KCTD14: variants seen among roughly 807,000 people sequenced by gnomAD.
KCTD14 encodes BTB/POZ domain-containing protein KCTD14.
In KCTD14, 7 loss-of-function variants were observed where a neutral mutation model predicts 5.9. That is an observed-to-expected ratio of 1.19 (90% confidence interval 0.68 to 2.23). KCTD14 has a LOEUF of 2.23. Ranked by LOEUF, KCTD14 falls within the 30% of genes most tolerant of loss-of-function variation. The pLI, the probability that KCTD14 is intolerant of heterozygous loss-of-function variation, is 0.00. For missense variants in KCTD14, 342 were observed against 332.2 expected, an observed-to-expected ratio of 1.03 and a Z score of -0.23; for synonymous variants, 140 against 133.1, an observed-to-expected ratio of 1.05 and a Z score of -0.36.
chr11:78,038,899 G>T, intron 1 of KCTD14: 1 of 964,578 alleles, frequency 1.0e-6, no homozygotes. Flanking sequence ...GTCACGGTCA[G>T]GCCCGGATGT....
At chr11:78,029,433 A>C (rs1376169935) in intron 2 of KCTD14, among the ~76,000 whole-genome samples, 3 of 152,138 alleles carry the variant, frequency 2.0e-5, no homozygotes, top group African/African-American at 7.2e-5. Context: ...ATTCCCCAGA[A>C]CTAGTATATT....
upstream of KCTD14, among the ~76,000 whole-genome samples, chr11:78,024,390 AAAAAAAAAT>A (rs1857389781): frequency 1.7e-5 from 2 of 117,976 alleles, no homozygotes; most frequent in African/African-American, 6.4e-5. Flanking sequence ...CAAAAAAAAA[AAAAAAAAAT>A]ATATATATAT....
rs773037570 is a variant in KCTD14, at chr11:78,017,130, G to C, written c.231C>G (p.Phe77Leu). 3.1e-6 allele frequency: 5 copies of C among 1,614,056 alleles called. No individual in the cohort carries two copies. The African/African-American group carries it at 6.7e-5, about 22-fold the overall frequency. Residue 77 changes from phenylalanine to leucine, a missense_variant, in exon 2 of 2, where the codon TTC (phenylalanine) becomes TTG (leucine). By Grantham distance (22) the Phe-to-Leu change is conservative. Transcript: ENST00000353172. ...AKASTDAEGR[F>L]FIDRPSTYFR... ...AATAGGTGCTGGGGCGGTCGATGAA[G>C]AAGCGGCCCTCCGCGTCCGTGGAGG...
At chr11:78,041,140 G>A (rs1857983098) in intron 1 of KCTD14, among the ~76,000 whole-genome samples, 1 of 152,196 alleles carries the variant, frequency 6.6e-6, no homozygotes, top group East Asian at 1.9e-4. Flanking sequence ...TATCACCCCA[G>A]GGGCCAGCAC....
upstream of KCTD14, chr11:78,023,729 G>A (rs10793269): frequency 0.34 from 53,438 of 155,390 alleles, 9,446 homozygotes; most frequent in South Asian, 0.43. Flanking sequence ...CATATTGCTT[G>A]AATCCCGTTA....
chr11:78,037,212 C>T (rs1181158100), intron 2 of KCTD14, among the ~76,000 whole-genome samples: 1 of 152,208 alleles, frequency 6.6e-6, no homozygotes, highest in Non-Finnish European at 1.5e-5. Context: ...CCTGCTGCAA[C>T]CACTCCCCCG....
rs1857343554 is a variant in KCTD14, at chr11:78,022,918, G to A, written c.90+242C>T. The stretch of plus-strand genomic sequence containing the variant: ...GAGGGAGGAAGCAAAAGGGCAAAGA[G>A]GAAAGGCTGGACAGAGCCAAACCAG... On this transcript the variant is annotated intron_variant, in intron 1 of 1. Coordinates refer to ENST00000353172, the MANE Select transcript of KCTD14 (RefSeq NM_023930.4). 9.8e-6 allele frequency: 5 copies of A among 507,790 alleles called. No homozygotes were observed. In the South Asian group the frequency reaches 1.5e-4, roughly 15 times the overall value. The allele number at this position is 507,790 out of a possible 1,614,324, so 31.5% of individuals were successfully genotyped here. A position where few individuals can be genotyped will look rare whatever the true frequency, so the allele number is the denominator to read the frequency against.
upstream of KCTD14, among the ~76,000 whole-genome samples, chr11:78,025,085 C>CAT (rs1555052978): frequency 1.3e-3 from 114 of 89,398 alleles, no homozygotes; most frequent in Middle Eastern, 7.4e-3. Context: ...TATATACACA[C>CAT]GTGTGTGTGT....
chr11:78,023,026 A>G, intron 1 of KCTD14, 134 bp downstream of exon 1: 1 of 631,660 alleles, frequency 1.6e-6, no homozygotes, highest in Non-Finnish European at 2.8e-6. Flanking sequence ...CCCGAGGTGA[A>G]GGGGGACAGC....
chr11:78,041,688 TGAGCTTTCGC>T (rs891516641), intron 1 of KCTD14, among the ~76,000 whole-genome samples: 10 of 152,212 alleles, frequency 6.6e-5, no homozygotes, highest in African/African-American at 2.4e-4. Flanking sequence ...CGGCTCGAGC[TGAGCTTTCGC>T]TCACCATCCA....
In KCTD14 at chr11:78,023,196, G is replaced by A. The variant is rs928955596; in HGVS notation, c.54C>T (p.Thr18=). 1 of 1,606,406 alleles carries A rather than the reference G, an allele frequency of 6.2e-7. No individual in the cohort carries two copies. ...TGGGCCGGGGGGACTGGGGCAGAGG[G>A]GTCTGGCTCGTCATCCTGCCCACTG... is the stretch of plus-strand genomic sequence containing the variant. ...ERPVGRMTSQ[T]PLPQSPRPRR... The change falls in exon 1 of 2, where the codon ACC becomes ACT. Residue 18 remains threonine, a synonymous_variant. Transcript: ENST00000353172.
upstream of KCTD14, among the ~76,000 whole-genome samples, chr11:78,025,101 T>TGC (rs1857418263): frequency 1.6e-5 from 1 of 63,206 alleles, no homozygotes; most frequent in Non-Finnish European, 2.8e-5. Flanking sequence ...TGTGTGTGTG[T>TGC]GTGTGTGTGT....
chr11:78,022,945 A>C (rs572696464), intron 1 of KCTD14: 3 of 550,256 alleles, frequency 5.5e-6, no homozygotes, highest in Non-Finnish European at 9.6e-6. Context: ...CCAAACCAGA[A>C]AGGGACACCG....
chr11:78,039,770 T>A (rs1439621344), intron 1 of KCTD14, among the ~76,000 whole-genome samples: 1 of 151,940 alleles, frequency 6.6e-6, no homozygotes, highest in Non-Finnish European at 1.5e-5. Context: ...AGTGTACTCA[T>A]TTTTTCCACC....
At chr11:78,031,667 C>T (rs1376079272) in intron 2 of KCTD14, among the ~76,000 whole-genome samples, 2 of 152,030 alleles carry the variant, frequency 1.3e-5, no homozygotes, top group African/African-American at 2.4e-5. Flanking sequence ...GGATTATAGG[C>T]GTGAGCCACA....
At chr11:78,034,165 G>C (rs1857720406) in intron 2 of KCTD14, among the ~76,000 whole-genome samples, 1 of 151,906 alleles carries the variant, frequency 6.6e-6, no homozygotes, top group Non-Finnish European at 1.5e-5. Context: ...TGTCACCCAG[G>C]CTGGAGTTCA....
At chr11:78,044,876 T>C (rs1858092026) in intron 1 of KCTD14, among the ~76,000 whole-genome samples, 1 of 152,200 alleles carries the variant, frequency 6.6e-6, no homozygotes, top group South Asian at 2.1e-4. Flanking sequence ...TCCGGGGTTT[T>C]GCGCCTCCCC....
rs539940033 is a variant in KCTD14 at position 78,016,651 on chromosome 11, G to A, written c.710C>T (p.Pro237Leu). ...KVFSKFYLTY[P>L]TKRNEFHFNI... is the part of the protein sequence containing the mutation. ...AAAATGGAATTCGTTTCTTTTGGTG[G>A]GGTACGTCAGGTAGAACTTGGAGAA... is the stretch of plus-strand genomic sequence containing the variant. Residue 237 changes from proline to leucine, a missense_variant, in exon 2 of 2, where the codon CCC becomes CTC. Physicochemically the swap from Pro to Leu is moderately conservative, Grantham distance 98 (BLOSUM62 -3). Coordinates refer to ENST00000353172, the MANE Select transcript of KCTD14 (RefSeq NM_023930.4). 1.9e-6 allele frequency: 3 copies of A among 1,614,118 alleles called. No homozygotes were observed. In the African/African-American group the frequency reaches 4.0e-5, roughly 22 times the overall value.
Position 78,031,553 on chromosome 11 carries a change from A to AT in KCTD14, c.-1+7110dup, listed in dbSNP as rs1200778318. On this transcript the variant is annotated intron_variant, in intron 2 of 2. Coordinates refer to the KCTD14 transcript ENST00000533144. Reference sequence around the variant, plus strand: ...GCCATCATGCCTGGCTAATTTTTGTATTTTTTTTTTTTTTAGTAGAGATGG... The same window carrying AT: ...GCCATCATGCCTGGCTAATTTTTGTATTTTTTTTTTTTTTTAGTAGAGATGG... Among the ~76,000 whole-genome samples the AT allele has an allele frequency of 3.2e-3, 432 of 135,448 alleles. 1 individual carries two copies. The highest frequency in any genetic ancestry group is 8.4e-3 in the African/African-American group (319 of 37,766). The allele number at this position is 135,448 out of a possible 152,430, so 88.9% of individuals were successfully genotyped here. A position where few individuals can be genotyped will look rare whatever the true frequency, so the allele number is the denominator to read the frequency against.
Sources: gnomAD v4.1 joint callset for allele counts (sites outside exome capture counted in the v4.1 genomes callset) on GRCh38, gnomAD v4.1.1 for gene constraint, MANE v1.5 for transcripts, NCBI Gene and HGNC (gene_info 2026-07-23, HGNC 2026-07-21) for gene names.